Variants in FBXL17 observed in about 807,000 individuals in gnomAD.
FBXL17 encodes the protein F-box/LRR-repeat protein 17.
A neutral mutation model predicts 66.2 loss-of-function variants in FBXL17; 22 were observed. The ratio of observed to expected loss-of-function variants is 0.33; its 90% CI spans 0.24 to 0.47. FBXL17 has a LOEUF of 0.47. Ranked by LOEUF, FBXL17 falls within the 20% of genes least tolerant of loss-of-function variation. The pLI is 1.00. For missense variants in FBXL17, 878 were observed against 948.2 expected, an observed-to-expected ratio of 0.93 and a Z score of 0.97; for synonymous variants, 474 against 400.5, an observed-to-expected ratio of 1.18 and a Z score of -2.19.
intron 4 of FBXL17, among the ~76,000 whole-genome samples, chr5:108,322,880 C>T (rs1759682212): frequency 6.6e-6 from 1 of 151,868 alleles, no homozygotes; most frequent in African/African-American, 2.4e-5. Flanking sequence ...GCTCCAAAAT[C>T]TTATTAAATG....
In FBXL17 at chr5:108,046,935, T is replaced by C. The variant is rs569504476; in HGVS notation, c.1746-25934A>G. On this transcript the variant is annotated intron_variant, in intron 6 of 8. Transcript: ENST00000542267. ...TATTATTTCCTTTCTGTTTAGAAAA[T>C]TTCCTTTTGCCATTCTTTTAGGGTA... is the stretch of plus-strand genomic sequence containing the variant. Among the ~76,000 whole-genome samples, 4 of 152,328 alleles carry C rather than the reference T, an allele frequency of 2.6e-5. No homozygotes were observed. In the East Asian group the frequency reaches 7.7e-4, roughly 29 times the overall value.
At chr5:107,936,554 A>ATTCTTTTCTCCTACTT (rs58144302) in intron 7 of FBXL17, among the ~76,000 whole-genome samples, 1 of 152,036 alleles carries the variant, frequency 6.6e-6, no homozygotes, top group African/African-American at 2.4e-5. Context: ...TTTAACAACT[A>ATTCTTTTCTCCTACTT]TTCTTGAATT....
chr5:107,917,453 T>C (rs966645633), intron 7 of FBXL17, among the ~76,000 whole-genome samples: 5 of 152,150 alleles, frequency 3.3e-5, no homozygotes, highest in African/African-American at 1.2e-4. Flanking sequence ...TTTTAAAAAA[T>C]GAACCAAGAG....
chr5:108,157,039 T>C (rs904003905), intron 6 of FBXL17, among the ~76,000 whole-genome samples: 1 of 151,804 alleles, frequency 6.6e-6, no homozygotes, highest in Admixed American at 6.6e-5. Context: ...AGAATTTCAA[T>C]AAATCTATTT....
At chr5:107,961,685 C>A (rs531378833) in intron 7 of FBXL17, among the ~76,000 whole-genome samples, 1 of 152,206 alleles carries the variant, frequency 6.6e-6, no homozygotes, top group Admixed American at 6.5e-5. Context: ...TAAAATGGAA[C>A]ATAAAATCAT....
chr5:108,098,955 C>T (rs1749497474), intron 6 of FBXL17, among the ~76,000 whole-genome samples: 1 of 152,022 alleles, frequency 6.6e-6, no homozygotes, highest in African/African-American at 2.4e-5. Flanking sequence ...AGATCAGTTA[C>T]TTAGGCTCTG....
At chr5:108,334,946 A>T (rs1760307931) in intron 4 of FBXL17, among the ~76,000 whole-genome samples, 1 of 152,210 alleles carries the variant, frequency 6.6e-6, no homozygotes, top group African/African-American at 2.4e-5. Flanking sequence ...AAAACAACGT[A>T]CATATTTACA....
chr5:108,265,277 A>G (rs1273602562), intron 4 of FBXL17, among the ~76,000 whole-genome samples: 1 of 152,086 alleles, frequency 6.6e-6, no homozygotes, highest in Non-Finnish European at 1.5e-5. Flanking sequence ...CTTCTGCACT[A>G]ATCTTCAGGA....
At chr5:108,177,911 G>GTGTATATA (rs1752852306) in intron 6 of FBXL17, among the ~76,000 whole-genome samples, 2 of 115,244 alleles carry the variant, frequency 1.7e-5, no homozygotes, top group African/African-American at 3.0e-5. Context: ...AAAAAAAAAT[G>GTGTATATA]TATATATATA....
At chr5:107,963,576 G>T (rs780694963) in intron 7 of FBXL17, among the ~76,000 whole-genome samples, 1 of 151,978 alleles carries the variant, frequency 6.6e-6, no homozygotes, top group Non-Finnish European at 1.5e-5. Context: ...TTCTAAACTT[G>T]TTTTATTTCC....
chr5:107,865,275 C>G (rs1478458294), intron 8 of FBXL17, among the ~76,000 whole-genome samples: 1 of 152,164 alleles, frequency 6.6e-6, no homozygotes, highest in Non-Finnish European at 1.5e-5. Flanking sequence ...GAAAATATCT[C>G]TATGTGATAA....
In FBXL17 at chr5:108,017,772, T is replaced by C. The variant is rs1196244980; in HGVS notation, c.1822+3153A>G. Among the ~76,000 whole-genome samples the C allele has an allele frequency of 2.0e-5, 3 of 152,208 alleles. No individual in the cohort carries two copies. The East Asian group carries it at 5.8e-4, about 29-fold the overall frequency. On this transcript the variant is annotated intron_variant, in intron 7 of 8. Coordinates refer to ENST00000542267, the MANE Select transcript of FBXL17 (RefSeq NM_001163315.3). ...GGAGCAATTTCCCAAGACTGTATTT[T>C]CTATTTAGCTGTGTCTGAATTATTG...
intron 7 of FBXL17, among the ~76,000 whole-genome samples, chr5:108,006,030 T>C (rs1361504314): frequency 2.6e-5 from 4 of 152,234 alleles, no homozygotes; most frequent in African/African-American, 9.6e-5. Context: ...GCTAAGGCTC[T>C]TGTCTTGCTG....
intron 7 of FBXL17, among the ~76,000 whole-genome samples, chr5:107,980,664 A>ATTTTTTTTTTTTTTTT (rs57472813): frequency 3.2e-5 from 2 of 62,068 alleles, no homozygotes; most frequent in African/African-American, 1.0e-4. Flanking sequence ...ATATATATAT[A>ATTTTTTTTTTTTTTTT]TTTTTTTTTT....
At chr5:107,879,402 T>C in intron 8 of FBXL17, 1 of 985,342 alleles carries the variant, frequency 1.0e-6, no homozygotes, top group East Asian at 1.1e-4. Flanking sequence ...GTGGCAGGGT[T>C]AGCAGCGGCA....
intron 4 of FBXL17, among the ~76,000 whole-genome samples, chr5:108,295,198 T>G (rs1758294411): frequency 6.6e-6 from 1 of 151,888 alleles, no homozygotes; most frequent in Non-Finnish European, 1.5e-5. Flanking sequence ...CAAGAAAATA[T>G]TTTCAATTAA....
chr5:108,064,316 G>GAGC, intron 6 of FBXL17, among the ~76,000 whole-genome samples: 1 of 152,272 alleles, frequency 6.6e-6, no homozygotes, highest in African/African-American at 2.4e-5. Context: ...TGTAGATAAT[G>GAGC]AGCAGTCATT....
At chr5:108,177,549 A>G (rs1401264417) in intron 6 of FBXL17, among the ~76,000 whole-genome samples, 1 of 152,070 alleles carries the variant, frequency 6.6e-6, no homozygotes, top group African/African-American at 2.4e-5. Context: ...ACAAATACTA[A>G]ACCCGACAGA....
intron 4 of FBXL17, among the ~76,000 whole-genome samples, chr5:108,244,150 T>C (rs1435190685): frequency 1.3e-5 from 2 of 152,088 alleles, no homozygotes; most frequent in African/African-American, 2.4e-5. Flanking sequence ...CTTTTCTCCA[T>C]TTCCATCTGT....
Sources: allele counts gnomAD v4.1 joint callset (sites outside exome capture counted in the v4.1 genomes callset), GRCh38; gene constraint gnomAD v4.1.1; transcripts MANE v1.5; gene names NCBI Gene and HGNC (gene_info 2026-07-23, HGNC 2026-07-21).